Variants in MAP2K5 observed in about 807,000 individuals in gnomAD.
MAP2K5 encodes mitogen-activated protein kinase kinase 5.
MAP2K5 carries 49 observed loss-of-function variants against 83.1 expected under a neutral mutation model. That is an observed-to-expected ratio of 0.59 (90% CI 0.47 to 0.75). The LOEUF is 0.75. MAP2K5 is among the 30% of genes least tolerant of loss of function. MAP2K5 has a pLI of 0.00. For synonymous variants in MAP2K5, 202 were observed against 191.8 expected (o/e 1.05, Z -0.44); for missense variants, 457 against 557.5 (o/e 0.82, Z 1.82).
Position 67,794,966 on chromosome 15 carries a change from C to T in MAP2K5, c.1243-11680C>T, listed in dbSNP as rs1157228393. On this transcript the variant is annotated intron_variant, in intron 21 of 21. Transcript: ENST00000178640. The surrounding 1 kb of genome is among the most constrained non-coding windows in gnomAD (Gnocchi z 4.6). Reference sequence around the variant, plus strand: ...ATAGGACTCTGAAACCTCTGACGCCCCCGCGGTGGGTGATGTTTTGTCAGT... The same window carrying T: ...ATAGGACTCTGAAACCTCTGACGCCTCCGCGGTGGGTGATGTTTTGTCAGT... Among the ~76,000 whole-genome samples, 2 of 152,216 alleles carry T rather than the reference C, an allele frequency of 1.3e-5. No homozygotes were observed. The highest frequency in any genetic ancestry group is 4.8e-5 in the African/African-American group (2 of 41,452).
Position 67,543,344 on chromosome 15 carries a change from G to C in MAP2K5, c.9G>C (p.Trp3Cys). The stretch of plus-strand genomic sequence containing the variant: ...AGCCTCTTTAACCTGTAATGCTGTG[G>C]CTAGCCCTTGGCCCCTTTCCTGCCA... Reference protein sequence around the residue: MLWLALGPFPAME... With the variant: MLCLALGPFPAME... The change falls in exon 1 of 22, where the codon TGG becomes TGC. Residue 3 changes from tryptophan (W) to cysteine (C), a missense_variant. Trp to Cys is a radical substitution (Grantham distance 215, BLOSUM62 -2). Around this residue, in one of 3 missense-constraint regions of MAP2K5, gnomAD observed 234 missense variants for 243.6 expected, o/e 0.96. Coordinates refer to ENST00000178640, the MANE Select transcript of MAP2K5 (RefSeq NM_145160.3). This position sits in a 1 kb window ranked among gnomAD's most constrained non-coding sequence, Gnocchi z 4.3. 6.2e-7 allele frequency: 1 copy of C among 1,614,192 alleles called. No homozygotes were observed.
At chr15:67,761,621 A>C (rs1293643022) in intron 19 of MAP2K5, among the ~76,000 whole-genome samples, 1 of 152,210 alleles carries the variant, frequency 6.6e-6, no homozygotes, top group East Asian at 1.9e-4. Flanking sequence ...GAGTTCTCAG[A>C]GTCTGACTTG....
At chr15:67,756,512 TTA>T (rs1483818727) in intron 19 of MAP2K5, among the ~76,000 whole-genome samples, 1 of 133,762 alleles carries the variant, frequency 7.5e-6, no homozygotes, top group Admixed American at 7.6e-5. Context: ...CCACACACAG[TTA>T]CTGTGTGTGT....
chr15:67,564,901 C>A lies in MAP2K5; in HGVS notation c.252+1551C>A, dbSNP rs551350042. On this transcript the variant is annotated intron_variant, in intron 3 of 21. Transcript: ENST00000178640. ...ATATGTACTTTTGGGTATGATCTTA[C>A]AAATTGTGCTTTTTGAAAATGTTAG... Among the ~76,000 whole-genome samples, 3 of 152,292 alleles carry A rather than the reference C, an allele frequency of 2.0e-5. No homozygotes were observed. In the South Asian group the frequency reaches 6.2e-4, roughly 32 times the overall value.
chr15:67,627,913 G>T, intron 8 of MAP2K5: 1 of 771,738 alleles, frequency 1.3e-6, no homozygotes. Flanking sequence ...TTGGAGGGCT[G>T]AACTTTGAAA....
intron 17 of MAP2K5, among the ~76,000 whole-genome samples, chr15:67,745,569 T>C (rs1347149328): frequency 2.0e-5 from 3 of 152,164 alleles, no homozygotes; most frequent in Non-Finnish European, 4.4e-5. Flanking sequence ...ATGCCTAATA[T>C]AAATACAGCC....
intron 16 of MAP2K5, among the ~76,000 whole-genome samples, chr15:67,707,502 A>C (rs1467338081): frequency 6.6e-6 from 1 of 152,230 alleles, no homozygotes; most frequent in African/African-American, 2.4e-5. Context: ...TTCTCTTTCT[A>C]GTAGAAACTT....
rs1024385518 is a variant in MAP2K5, at chr15:67,637,307, A to C, written c.585+6380A>C. The stretch of plus-strand genomic sequence containing the variant: ...TCTGTCCCTCTAGAGAACCCTGACT[A>C]ATACAGAGATGGTATTTAGTTACTT... On this transcript the variant is annotated intron_variant, in intron 9 of 21. Coordinates refer to ENST00000178640, the MANE Select transcript of MAP2K5 (RefSeq NM_145160.3). The surrounding 1 kb of genome is among the most constrained non-coding windows in gnomAD (Gnocchi z 4.5). Among the ~76,000 whole-genome samples the C allele has an allele frequency of 6.6e-6, 1 of 152,176 alleles. No individual in the cohort carries two copies. Among genetic ancestry groups the C allele is most frequent in the African/African-American group, 2.4e-5 (1 of 41,448 alleles).
rs1051339360 is a variant in MAP2K5, at chr15:67,572,522, C to T, written c.253-8232C>T. Reference sequence around the variant, plus strand: ...AAGTAAAGTGGTGAAAGAATAGCTACTCACTCCATAGAGTAGGACGTTCCC... The same window carrying T: ...AAGTAAAGTGGTGAAAGAATAGCTATTCACTCCATAGAGTAGGACGTTCCC... On this transcript the variant is annotated intron_variant, in intron 3 of 21. Transcript: ENST00000178640. The surrounding 1 kb of genome is among the most constrained non-coding windows in gnomAD (Gnocchi z 4.2). Among the ~76,000 whole-genome samples, 18 of 152,122 alleles carry T rather than the reference C, an allele frequency of 1.2e-4. No individual in the cohort carries two copies. Among genetic ancestry groups the T allele is most frequent in the Admixed American group, 1.2e-3 (18 of 15,270 alleles).
In MAP2K5 at chr15:67,585,897, G is replaced by A; in HGVS notation, c.330G>A (p.Lys110=). The A allele has an allele frequency of 6.2e-7, 1 of 1,613,954 alleles. No individual in the cohort carries two copies. Among genetic ancestry groups the A allele is most frequent in the East Asian group, 2.2e-5 (1 of 44,874 alleles). Residue 110 remains lysine (K), a synonymous_variant, in exon 5 of 22, where the codon AAG becomes AAA. Coordinates refer to ENST00000178640, the MANE Select transcript of MAP2K5 (RefSeq NM_145160.3). ...AGTCAATTACTGTTTCAGCCTGCAA[G>A]CCTCCTGGGGAACGGAACATACATG... ...EPLQIFPRAC[K]PPGERNIHGL... is the part of the protein sequence containing the mutation.
At chr15:67,752,910 A>C (rs1322571362) in intron 19 of MAP2K5, among the ~76,000 whole-genome samples, 1 of 141,374 alleles carries the variant, frequency 7.1e-6, no homozygotes, top group African/African-American at 2.6e-5. Flanking sequence ...AAAAAAAAAA[A>C]GAAAACAATG....
Position 67,585,297 on chromosome 15 carries a change from C to CT in MAP2K5, c.323-587dup, listed in dbSNP as rs1333726587. Among the ~76,000 whole-genome samples the CT allele has an allele frequency of 5.9e-5, 9 of 152,232 alleles. 1 individual carries two copies. The highest frequency in any genetic ancestry group is 1.2e-4 in the Non-Finnish European group (8 of 68,014). ...AAGATGGTGTCAGGAAATTAATATT[C>CT]TTTTTTCCTGGCACTGCCTTATCTC... On this transcript the variant is annotated intron_variant, in intron 4 of 21. Coordinates refer to ENST00000178640, the MANE Select transcript of MAP2K5 (RefSeq NM_145160.3).
intron 3 of MAP2K5, among the ~76,000 whole-genome samples, chr15:67,574,786 G>A (rs1340290893): frequency 6.6e-6 from 1 of 151,996 alleles, no homozygotes; most frequent in Non-Finnish European, 1.5e-5. Context: ...AGAATCATTT[G>A]AACCTGGGAG....
rs917956051 is a variant in MAP2K5 at position 67,565,572 on chromosome 15, T to C, written c.252+2222T>C. ...TTCTGAATAATTTGGGTTTATATAA[T>C]ACCTTAGTTGTGATTTCTGCACCAT... is the stretch of plus-strand genomic sequence containing the variant. On this transcript the variant is annotated intron_variant, in intron 3 of 21. Transcript: ENST00000178640. This position sits in a 1 kb window ranked among gnomAD's most constrained non-coding sequence, Gnocchi z 4.1. 1.3e-5 allele frequency among the ~76,000 whole-genome samples: 2 copies of C among 152,168 alleles called. No homozygotes were observed. Among genetic ancestry groups the C allele is most frequent in the Non-Finnish European group, 1.5e-5 (1 of 68,020 alleles).
intron 13 of MAP2K5, among the ~76,000 whole-genome samples, chr15:67,689,431 C>G (rs1209442539): frequency 6.6e-6 from 1 of 152,064 alleles, no homozygotes; most frequent in African/African-American, 2.4e-5. Flanking sequence ...GTTTCTAAAC[C>G]TGGGGGTGGG....
At chr15:67,672,669 G>C (rs1237151333) in intron 13 of MAP2K5, among the ~76,000 whole-genome samples, 2 of 147,790 alleles carry the variant, frequency 1.4e-5, no homozygotes, top group East Asian at 4.0e-4. Context: ...AGTTTAATTA[G>C]ATCCCATTTG....
chr15:67,595,847 G>GTT (rs1433929616), intron 7 of MAP2K5, among the ~76,000 whole-genome samples: 1 of 152,120 alleles, frequency 6.6e-6, no homozygotes, highest in Non-Finnish European at 1.5e-5. Context: ...GGCATCATCT[G>GTT]TTTAACATTG....
chr15:67,755,056 C>G lies in MAP2K5; in HGVS notation c.1134+6455C>G, dbSNP rs962633185. ...GTGGCACAATCTTGGCTCACTGCAA[C>G]CTCCGCCTCCTGGGTTCATGCAATC... On this transcript the variant is annotated intron_variant, in intron 19 of 21. Transcript: ENST00000178640. The surrounding 1 kb of genome is among the most constrained non-coding windows in gnomAD (Gnocchi z 4.7). Among the ~76,000 whole-genome samples, 1 of 152,110 alleles carries G rather than the reference C, an allele frequency of 6.6e-6. No homozygotes were observed. Among genetic ancestry groups the G allele is most frequent in the South Asian group, 2.1e-4 (1 of 4,824 alleles).
chr15:67,617,030 A>T lies in MAP2K5; in HGVS notation c.546-13858A>T, dbSNP rs138364135. Among the ~76,000 whole-genome samples, 451 of 152,332 alleles carry T rather than the reference A, an allele frequency of 3.0e-3. 2 individuals carry two copies. Among genetic ancestry groups the T allele is most frequent in the Non-Finnish European group, 4.8e-3 (328 of 68,028 alleles). On this transcript the variant is annotated intron_variant, in intron 8 of 21. Coordinates refer to ENST00000178640, the MANE Select transcript of MAP2K5 (RefSeq NM_145160.3). ...CTGTGTCCTTCATAGAACAGTGGCA[A>T]TACTATCATTTCAGTGTCCCTGTGT... is the stretch of plus-strand genomic sequence containing the variant.
Sources: gnomAD v4.1 joint callset for allele counts (sites outside exome capture counted in the v4.1 genomes callset) on GRCh38, gnomAD v4.1.1 for gene constraint, gnomAD v4.1.1 regional missense constraint, Gnocchi (gnomAD v3.1) non-coding constraint, MANE v1.5 for transcripts, NCBI Gene and HGNC (gene_info 2026-07-23, HGNC 2026-07-21) for gene names.